LDLRAD3: variants seen among roughly 807,000 people sequenced by gnomAD.
The protein encoded by LDLRAD3 is low-density lipoprotein receptor class A domain-containing protein 3.
In LDLRAD3, 20 loss-of-function variants were observed where a neutral mutation model predicts 29.4. The observed-to-expected ratio is 0.68, with a 90% CI of 0.48 to 0.99. The LOEUF is 0.99. LDLRAD3 is among the 50% of genes least tolerant of loss of function. The pLI is 0.00. For missense variants in LDLRAD3, 420 were observed against 454.3 expected, an observed-to-expected ratio of 0.92 and a Z score of 0.69; for synonymous variants, 157 against 192.7, an observed-to-expected ratio of 0.81 and a Z score of 1.53.
rs1337058989 is a variant in LDLRAD3, at chr11:36,213,479, C to T, written c.455-13606C>T. 6.6e-6 allele frequency among the ~76,000 whole-genome samples: 1 copy of T among 152,226 alleles called. No homozygotes were observed. On this transcript the variant is annotated intron_variant, in intron 4 of 5. Coordinates refer to ENST00000315571, the MANE Select transcript of LDLRAD3 (RefSeq NM_174902.4). The surrounding 1 kb of genome is among the most constrained non-coding windows in gnomAD (Gnocchi z 4.1). ...AGGGATCCGCAAAGGCGCTCCAGCC[C>T]CATGGGATGCTTTTTTTAGACAGGA... is the stretch of plus-strand genomic sequence containing the variant.
At chr11:36,068,734 T>C (rs1409416700) in intron 2 of LDLRAD3, among the ~76,000 whole-genome samples, 1 of 152,148 alleles carries the variant, frequency 6.6e-6, no homozygotes, top group Non-Finnish European at 1.5e-5. Context: ...GCCAGGATGG[T>C]CTCGATCTCC....
intron 1 of LDLRAD3, among the ~76,000 whole-genome samples, chr11:35,950,906 AC>A (rs1221211493): frequency 6.6e-6 from 1 of 152,058 alleles, no homozygotes; most frequent in Non-Finnish European, 1.5e-5. Flanking sequence ...ACATGGTGAA[AC>A]CCCGTCTCTT....
intron 4 of LDLRAD3, among the ~76,000 whole-genome samples, chr11:36,122,988 C>T (rs1025604001): frequency 6.6e-5 from 10 of 152,094 alleles, no homozygotes; most frequent in Admixed American, 5.9e-4. Flanking sequence ...CCAGCCTGGG[C>T]CACGCAGTGA....
At chr11:36,079,081 A>G (rs1352185873) in intron 2 of LDLRAD3, among the ~76,000 whole-genome samples, 5 of 152,182 alleles carry the variant, frequency 3.3e-5, no homozygotes, top group Non-Finnish European at 7.4e-5. Flanking sequence ...CAGGGGACCT[A>G]CTGCCGCCAC....
At chr11:36,006,963 G>C (rs776839817) in intron 1 of LDLRAD3, among the ~76,000 whole-genome samples, 3 of 152,192 alleles carry the variant, frequency 2.0e-5, no homozygotes, top group Admixed American at 6.5e-5. Context: ...TCAAGGTTCA[G>C]CCCTACTGGT....
chr11:36,223,039 CT>C (rs1855450991), intron 4 of LDLRAD3, among the ~76,000 whole-genome samples: 1 of 152,154 alleles, frequency 6.6e-6, no homozygotes, highest in South Asian at 2.1e-4. Context: ...GCACTTGGAA[CT>C]TAGGTCCTAG....
intron 4 of LDLRAD3, among the ~76,000 whole-genome samples, chr11:36,210,298 C>G (rs775740127): frequency 6.6e-6 from 1 of 151,976 alleles, no homozygotes; most frequent in Non-Finnish European, 1.5e-5. Context: ...ATTCCTCTTC[C>G]TAAGGAGGCC....
intron 4 of LDLRAD3, among the ~76,000 whole-genome samples, chr11:36,108,206 G>C (rs573294869): frequency 3.3e-5 from 5 of 150,742 alleles, no homozygotes; most frequent in Admixed American, 1.3e-4. Flanking sequence ...TGTAGTCCCA[G>C]CTACTCTGGA....
At chr11:36,156,263 T>G (rs1407344051) in intron 4 of LDLRAD3, among the ~76,000 whole-genome samples, 1 of 152,198 alleles carries the variant, frequency 6.6e-6, no homozygotes, top group Non-Finnish European at 1.5e-5. Flanking sequence ...CCAAAGCAGC[T>G]TGTGATTCCT....
At chr11:36,162,203 G>A (rs1291196326) in intron 4 of LDLRAD3, among the ~76,000 whole-genome samples, 3 of 152,168 alleles carry the variant, frequency 2.0e-5, no homozygotes, top group Non-Finnish European at 2.9e-5. Flanking sequence ...TGGGGAAAAA[G>A]TTGAGTTGGA....
Position 36,166,993 on chromosome 11 carries a change from G to A in LDLRAD3, c.455-60092G>A, listed in dbSNP as rs539321751. Among the ~76,000 whole-genome samples, 44 of 152,268 alleles carry A rather than the reference G, an allele frequency of 2.9e-4. 1 individual carries two copies. In the South Asian group the frequency reaches 6.6e-3, roughly 23 times the overall value. On this transcript the variant is annotated intron_variant, in intron 4 of 5. Coordinates refer to ENST00000315571, the MANE Select transcript of LDLRAD3 (RefSeq NM_174902.4). ...GTGACCTTATTTGGATATAGTTTTT[G>A]CAGATGTAATCAAGTTAAGATGGTT...
intron 2 of LDLRAD3, among the ~76,000 whole-genome samples, chr11:36,061,778 A>G (rs1486272476): frequency 6.6e-6 from 1 of 152,214 alleles, no homozygotes; most frequent in Non-Finnish European, 1.5e-5. Flanking sequence ...AGAAACTTTT[A>G]TTACTATGGC....
intron 4 of LDLRAD3, among the ~76,000 whole-genome samples, chr11:36,204,570 CT>C (rs1243798491): frequency 6.6e-6 from 1 of 151,752 alleles, no homozygotes; most frequent in Non-Finnish European, 1.5e-5. Context: ...TCATTGCAAC[CT>C]CCACCTCCCG....
intron 4 of LDLRAD3, among the ~76,000 whole-genome samples, chr11:36,143,631 C>A (rs1854119320): frequency 6.6e-6 from 1 of 152,156 alleles, no homozygotes; most frequent in Non-Finnish European, 1.5e-5. Context: ...GCTGTGGCTG[C>A]TAACAAAATA....
chr11:36,020,498 C>G (rs1019704276), intron 1 of LDLRAD3, among the ~76,000 whole-genome samples: 8 of 152,156 alleles, frequency 5.3e-5, no homozygotes, highest in African/African-American at 1.9e-4. Flanking sequence ...CCATTTTTCC[C>G]TCCTTCTTTT....
chr11:36,171,211 C>G (rs1456060972), intron 4 of LDLRAD3, among the ~76,000 whole-genome samples: 1 of 152,134 alleles, frequency 6.6e-6, no homozygotes, highest in Non-Finnish European at 1.5e-5. Context: ...TTGTTGAATG[C>G]ATAGTTTGCA....
intron 1 of LDLRAD3, among the ~76,000 whole-genome samples, chr11:35,976,133 A>G (rs1245653177): frequency 1.3e-5 from 2 of 151,940 alleles, no homozygotes; most frequent in Admixed American, 1.3e-4. Flanking sequence ...CAGAAATGTG[A>G]TGATCTCAGA....
At chr11:36,181,301 T>G (rs765430919) in intron 4 of LDLRAD3, among the ~76,000 whole-genome samples, 2 of 152,186 alleles carry the variant, frequency 1.3e-5, no homozygotes, top group Non-Finnish European at 2.9e-5. Flanking sequence ...CTACCCCTGC[T>G]TATTGTTCTC....
chr11:36,145,329 TG>T (rs1854171160), intron 4 of LDLRAD3, among the ~76,000 whole-genome samples: 1 of 93,288 alleles, frequency 1.1e-5, no homozygotes, highest in Non-Finnish European at 2.1e-5. Context: ...CCACCCCTAC[TG>T]GGAAGTGAGG....
Sources: allele counts gnomAD v4.1 joint callset (sites outside exome capture counted in the v4.1 genomes callset), GRCh38; gene constraint gnomAD v4.1.1; non-coding constraint Gnocchi (gnomAD v3.1); transcripts MANE v1.5; gene names NCBI Gene and HGNC (gene_info 2026-07-23, HGNC 2026-07-21).